Variants in ZFHX3 observed in about 807,000 individuals in gnomAD.
ZFHX3 encodes the protein zinc finger homeobox 3.
A neutral mutation model predicts 279.1 loss-of-function variants in ZFHX3; 42 were observed. The ratio of observed to expected loss-of-function variants is 0.15; its 90% CI spans 0.12 to 0.19. The LOEUF is 0.19. Ranked by LOEUF, ZFHX3 falls within the 10% of genes least tolerant of loss-of-function variation. ZFHX3 has a pLI of 1.00. For missense variants in ZFHX3, 4,981 were observed against 4,754.0 expected (o/e 1.05, Z -1.40); for synonymous variants, 2,293 against 1,957.8 (o/e 1.17, Z -4.52).
chr16:73,137,899 G>A (rs1966819355), intron 6 of ZFHX3, among the ~76,000 whole-genome samples: 1 of 152,022 alleles, frequency 6.6e-6, no homozygotes. Context: ...TTGGGGTATT[G>A]GGGGGTGGGG....
chr16:73,707,867 G>C (rs1369402892), intron 1 of ZFHX3, among the ~76,000 whole-genome samples: 1 of 152,158 alleles, frequency 6.6e-6, no homozygotes, highest in African/African-American at 2.4e-5. Flanking sequence ...TAATTCTTGG[G>C]AGACGGAGGA....
At chr16:73,367,530 T>C (rs907156178) in intron 3 of ZFHX3, among the ~76,000 whole-genome samples, 5 of 152,084 alleles carry the variant, frequency 3.3e-5, no homozygotes, top group Admixed American at 6.6e-5. Context: ...CTTATAGTCC[T>C]TCAGTCACCA....
chr16:73,473,615 C>T (rs975879752), intron 2 of ZFHX3, among the ~76,000 whole-genome samples: 3 of 152,150 alleles, frequency 2.0e-5, no homozygotes, highest in Admixed American at 6.6e-5. Context: ...GGGTGGGTTC[C>T]TGCTTCCACC....
At chr16:73,448,700 G>GTGTA (rs2018232602) in intron 3 of ZFHX3, among the ~76,000 whole-genome samples, 1 of 151,368 alleles carries the variant, frequency 6.6e-6, no homozygotes, top group Non-Finnish European at 1.5e-5. Flanking sequence ...GTGTGTGTGT[G>GTGTA]TGTGTGTGTG....
intron 3 of ZFHX3, among the ~76,000 whole-genome samples, chr16:72,901,295 T>C (rs570354385): frequency 1.3e-5 from 2 of 152,362 alleles, no homozygotes; most frequent in African/African-American, 4.8e-5. Flanking sequence ...GAAAATGCTC[T>C]TTAAAACTCC....
At chr16:73,266,246 A>G (rs1476598502) in intron 4 of ZFHX3, among the ~76,000 whole-genome samples, 1 of 152,128 alleles carries the variant, frequency 6.6e-6, no homozygotes, top group Non-Finnish European at 1.5e-5. Context: ...ATTTTTATAA[A>G]CCTATCATCA....
At chr16:73,427,754 T>C (rs1481026871) in intron 3 of ZFHX3, among the ~76,000 whole-genome samples, 4 of 150,738 alleles carry the variant, frequency 2.7e-5, no homozygotes, top group Admixed American at 2.6e-4. Context: ...GCCAATATGG[T>C]GAAACCCTGT....
At position 72,796,902 on chromosome 16, in the gene ZFHX3, G is replaced by C; in HGVS notation, c.5780C>G (p.Ser1927Cys). The change falls in exon 9 of 10, where the codon TCT becomes TGT. Residue 1927 changes from serine to cysteine, a missense_variant. Ser to Cys is a moderately radical substitution (Grantham distance 112). This residue lies in a region of ZFHX3 where 1,751 missense variants were observed against 1,770.0 expected (regional missense o/e 0.99). Coordinates refer to ENST00000268489, the MANE Select transcript of ZFHX3 (RefSeq NM_006885.4). ...GCGTGGAGGGAGCATGGAAGGCTCA[G>C]AACCACCCCCTGGTGCCAACTCTTT... ...EKKELAPGGGSEPSMLPPRIA... is the reference protein window; with the variant it reads ...EKKELAPGGGCEPSMLPPRIA... 1 of 1,613,854 alleles carries C rather than the reference G, an allele frequency of 6.2e-7. No individual in the cohort carries two copies.
intron 5 of ZFHX3, 42 bp from the exon 6 acceptor site, chr16:72,812,080 G>C: frequency 6.2e-7 from 1 of 1,604,390 alleles, no homozygotes; most frequent in East Asian, 2.2e-5. Flanking sequence ...AGCCAGACCA[G>C]GCCAGCTCCC....
intron 4 of ZFHX3, among the ~76,000 whole-genome samples, chr16:72,860,091 C>T (rs78114388): frequency 0.032 from 4,924 of 152,230 alleles, 284 homozygotes; most frequent in African/African-American, 0.11. Flanking sequence ...ACTCCCTCAG[C>T]GTTCCACATA....
rs1411821646 is a variant in ZFHX3 at position 72,974,745 on chromosome 16, A to G, written c.-49-14551T>C. On this transcript the variant is annotated intron_variant, in intron 1 of 9. Coordinates refer to ENST00000268489, the MANE Select transcript of ZFHX3 (RefSeq NM_006885.4). ...GTAAGGTAGAGACATTGGTAAAGGCATGAAAAGGGGATGCCTACTGCAAAA... is the reference window on the plus strand; with the variant it reads ...GTAAGGTAGAGACATTGGTAAAGGCGTGAAAAGGGGATGCCTACTGCAAAA... Among the ~76,000 whole-genome samples, 3 of 152,244 alleles carry G rather than the reference A, an allele frequency of 2.0e-5. No homozygotes were observed. In the East Asian group the frequency reaches 5.8e-4, roughly 29 times the overall value.
At chr16:73,634,056 G>C (rs1024511282) in intron 2 of ZFHX3, among the ~76,000 whole-genome samples, 4 of 151,920 alleles carry the variant, frequency 2.6e-5, no homozygotes, top group African/African-American at 9.7e-5. Flanking sequence ...TAATATTCTT[G>C]ACATTTTTAT....
chr16:73,386,776 T>G (rs1173113742), intron 3 of ZFHX3: 1 of 150,204 alleles, frequency 6.7e-6, no homozygotes, highest in Non-Finnish European at 1.5e-5. Context: ...TTCTAGAGAT[T>G]GGAGGAGTTG....
intron 1 of ZFHX3, among the ~76,000 whole-genome samples, chr16:73,028,588 C>T (rs572210069): frequency 2.6e-5 from 4 of 152,282 alleles, no homozygotes; most frequent in Admixed American, 6.5e-5. Context: ...AGACAGGGGA[C>T]GATTGTTAGA....
chr16:73,441,813 T>C (rs529999960), intron 3 of ZFHX3, among the ~76,000 whole-genome samples: 1 of 152,274 alleles, frequency 6.6e-6, no homozygotes, highest in East Asian at 1.9e-4. Flanking sequence ...AACCATTGAC[T>C]TGAAATGTGG....
intron 1 of ZFHX3, among the ~76,000 whole-genome samples, chr16:73,054,410 C>T (rs1477608998): frequency 1.3e-4 from 19 of 149,262 alleles, no homozygotes; most frequent in Admixed American, 8.7e-4. Flanking sequence ...CCCTCCATCC[C>T]GATACAGGAG....
intron 2 of ZFHX3, among the ~76,000 whole-genome samples, chr16:73,647,571 G>A (rs994802635): frequency 2.0e-5 from 3 of 152,094 alleles, no homozygotes; most frequent in Admixed American, 6.5e-5. Flanking sequence ...TTAAGCCTGT[G>A]GAACTGTGAG....
intron 7 of ZFHX3, among the ~76,000 whole-genome samples, chr16:73,104,450 C>T (rs1301922832): frequency 6.6e-6 from 1 of 152,124 alleles, no homozygotes; most frequent in African/African-American, 2.4e-5. Context: ...AGAGTGGCCT[C>T]AACTCCTGGC....
intron 2 of ZFHX3, among the ~76,000 whole-genome samples, chr16:73,468,615 TAA>T (rs2018612034): frequency 6.6e-6 from 1 of 152,092 alleles, no homozygotes; most frequent in Non-Finnish European, 1.5e-5. Flanking sequence ...GACATGCCTG[TAA>T]TCCCAGCTTC....
Sources: allele counts gnomAD v4.1 joint callset (sites outside exome capture counted in the v4.1 genomes callset), GRCh38; gene constraint gnomAD v4.1.1; regional missense constraint gnomAD v4.1.1; transcripts MANE v1.5; gene names NCBI Gene and HGNC (gene_info 2026-07-23, HGNC 2026-07-21).